The following SLC25A30 variants were observed in gnomAD, a reference collection of about 807,000 sequenced individuals.
SLC25A30 encodes the protein kidney mitochondrial carrier protein 1.
Under a neutral mutation model 42.7 loss-of-function variants are expected in SLC25A30, and 29 were observed. The ratio of observed to expected loss-of-function variants is 0.68; its 90% CI spans 0.51 to 0.93. The LOEUF is 0.93. Ranked by LOEUF, SLC25A30 falls within the 40% of genes least tolerant of loss-of-function variation. The pLI, the probability that SLC25A30 is intolerant of heterozygous loss-of-function variation, is 0.00. For synonymous variants in SLC25A30, 124 were observed against 131.0 expected (o/e 0.95, Z 0.37); for missense variants, 300 against 359.7 (o/e 0.83, Z 1.34).
chr13:45,408,399 CA>C (rs756056642), intron 3 of SLC25A30, among the ~76,000 whole-genome samples: 1 of 152,098 alleles, frequency 6.6e-6, no homozygotes, highest in African/African-American at 2.4e-5. Context: ...GGCTGTGGGT[CA>C]CCAGTTTGTG....
chr13:45,418,406 C>G (rs924773136), upstream of SLC25A30: 2 of 152,346 alleles, frequency 1.3e-5, no homozygotes, highest in Admixed American at 6.5e-5. Flanking sequence ...GGCAGACCCA[C>G]GAGCCTGCAC....
intron 7 of SLC25A30, among the ~76,000 whole-genome samples, chr13:45,399,712 A>G (rs1168340381): frequency 6.6e-6 from 1 of 152,050 alleles, no homozygotes; most frequent in Non-Finnish European, 1.5e-5. Context: ...TTTTCCATCT[A>G]TTTACCTGTA....
the SLC25A30 span, among the ~76,000 whole-genome samples, chr13:45,431,108 C>T: frequency 6.6e-6 from 1 of 152,058 alleles, no homozygotes; most frequent in Non-Finnish European, 1.5e-5. Flanking sequence ...AGTGCAATGG[C>T]GTGATCTTGG....
At chr13:45,423,228 T>C (rs1030427510), upstream of SLC25A30, among the ~76,000 whole-genome samples, 3 of 151,872 alleles carry the variant, frequency 2.0e-5, no homozygotes, top group Non-Finnish European at 4.4e-5. Context: ...TGTCTGTCCC[T>C]TCCCATTGAT....
At chr13:45,414,557 C>T (rs576821416) in intron 1 of SLC25A30, among the ~76,000 whole-genome samples, 4 of 151,844 alleles carry the variant, frequency 2.6e-5, no homozygotes, top group Non-Finnish European at 5.9e-5. Flanking sequence ...GCGGAAGTTG[C>T]AGTGAGCCAA....
At chr13:45,429,679 T>G in the SLC25A30 span, among the ~76,000 whole-genome samples, 52 of 151,686 alleles carry the variant, frequency 3.4e-4, no homozygotes, top group African/African-American at 1.3e-3. Context: ...AAAAAAAATT[T>G]TTTTAATTAG....
At chr13:45,404,813 A>G (rs1882347677) in intron 4 of SLC25A30, among the ~76,000 whole-genome samples, 1 of 152,240 alleles carries the variant, frequency 6.6e-6, no homozygotes, top group African/African-American at 2.4e-5. Context: ...CCAAGACGCC[A>G]TCTCAAAAAA....
intron 3 of SLC25A30, among the ~76,000 whole-genome samples, chr13:45,408,120 C>A (rs1435838706): frequency 1.3e-5 from 2 of 152,154 alleles, no homozygotes; most frequent in African/African-American, 4.8e-5. Flanking sequence ...CAAATGCTGA[C>A]AGGTACCAAG....
chr13:45,423,628 A>G, the SLC25A30 span, among the ~76,000 whole-genome samples: 2 of 68,432 alleles, frequency 2.9e-5, no homozygotes, highest in East Asian at 1.1e-3. Flanking sequence ...ATATATATAT[A>G]TAAATATATA....
At chr13:45,431,736 A>T in the SLC25A30 span, among the ~76,000 whole-genome samples, 1 of 152,036 alleles carries the variant, frequency 6.6e-6, no homozygotes, top group Admixed American at 6.6e-5. Context: ...CTCCAGACTC[A>T]CATATCCAGT....
the SLC25A30 span, among the ~76,000 whole-genome samples, chr13:45,424,119 A>G: frequency 2.1e-3 from 203 of 96,596 alleles, 2 homozygotes; most frequent in African/African-American, 9.1e-3. Context: ...ATATATAAAT[A>G]TATATAAATA....
In SLC25A30 at chr13:45,401,073, A is replaced by G. The variant is rs201280517; in HGVS notation, c.614+10T>C. The G allele has an allele frequency of 8.2e-6, 13 of 1,584,600 alleles. No homozygotes were observed. The highest frequency in any genetic ancestry group is 3.7e-5 in the Admixed American group (2 of 54,322). On this transcript the variant is annotated intron_variant, in intron 7 of 9. Coordinates refer to ENST00000519676, the MANE Select transcript of SLC25A30 (RefSeq NM_001010875.4). ...TTTCTATAATTTTTTAAAAAAAGCC[A>G]TGAACATACAGGAAGTGGGTATACA...
Position 45,398,950 on chromosome 13 carries a change from C to A in SLC25A30, c.743G>T (p.Cys248Phe). ...GACATCTGCTCTTACCTGTAACAAG[C>A]AATCCAGGGTTCCTGTGTAGCCAGA... ...RCSGYTGTLD[C>F]LLQTWKNEGF... The change falls in exon 8 of 10, where the codon TGC becomes TTC. Residue 248 changes from cysteine (C) to phenylalanine (F), a missense_variant. Transcript: ENST00000519676. 6 of 1,614,092 alleles carry A rather than the reference C, an allele frequency of 3.7e-6. No homozygotes were observed. Among genetic ancestry groups the A allele is most frequent in the Non-Finnish European group, 5.1e-6 (6 of 1,180,006 alleles).
the SLC25A30 span, among the ~76,000 whole-genome samples, chr13:45,423,575 A>C: frequency 3.2e-4 from 27 of 84,152 alleles, no homozygotes; most frequent in African/African-American, 1.1e-3. Flanking sequence ...ATAAATATAT[A>C]TAAAAATATA....
At chr13:45,425,437 T>C in the SLC25A30 span, among the ~76,000 whole-genome samples, 67 of 110,786 alleles carry the variant, frequency 6.0e-4, 2 homozygotes, top group African/African-American at 2.3e-3. Context: ...TAAATATATG[T>C]ATATATAAAT....
In SLC25A30 at chr13:45,394,561, T is replaced by C. The variant is rs1032277594; in HGVS notation, c.*1413A>G. 2 of 985,258 alleles carry C rather than the reference T, an allele frequency of 2.0e-6. No individual in the cohort carries two copies. Among genetic ancestry groups the C allele is most frequent in the Admixed American group, 6.2e-5 (1 of 16,252 alleles). 61.0% of individuals were successfully genotyped at this position (985,258 alleles called of 1,614,324 possible). Reference sequence around the variant, plus strand: ...CCAAATAAATATGTTCCCTGTCCTGTGGCTGCCTCCCAGAAGTGGAAGTTC... The same window carrying C: ...CCAAATAAATATGTTCCCTGTCCTGCGGCTGCCTCCCAGAAGTGGAAGTTC... On this transcript the variant is annotated 3_prime_UTR_variant, in exon 10 of 10. Transcript: ENST00000519676.
At chr13:45,404,449 T>G (rs1235753254) in intron 4 of SLC25A30, 37 bp from the exon 5 acceptor site, 1 of 1,460,558 alleles carries the variant, frequency 6.8e-7, no homozygotes, top group South Asian at 1.1e-5. Flanking sequence ...TCTACATATT[T>G]AGAGTTCTTC....
chr13:45,417,172 C>T lies in SLC25A30; in HGVS notation c.-56+1128G>A, dbSNP rs543241673. Among the ~76,000 whole-genome samples the T allele has an allele frequency of 3.3e-5, 5 of 152,202 alleles. No homozygotes were observed. In the South Asian group the frequency reaches 1.0e-3, roughly 32 times the overall value. On this transcript the variant is annotated intron_variant, in intron 1 of 9. Transcript: ENST00000519676. ...AGAATTAGACATCCGTCACCACGCCCGGCTAATTTTGTATTTTTAGTAGAG... is the reference window on the plus strand; with the variant it reads ...AGAATTAGACATCCGTCACCACGCCTGGCTAATTTTGTATTTTTAGTAGAG...
At chr13:45,429,053 GCTCTTTTTTTTTT>G in the SLC25A30 span, among the ~76,000 whole-genome samples, 2 of 136,478 alleles carry the variant, frequency 1.5e-5, no homozygotes, top group South Asian at 5.0e-4. Flanking sequence ...ATATGTGCAA[GCTCTTTTTTTTTT>G]TTTTTTTTTT....
Sources: gnomAD v4.1 joint callset for allele counts (sites outside exome capture counted in the v4.1 genomes callset) on GRCh38, gnomAD v4.1.1 for gene constraint, MANE v1.5 for transcripts, NCBI Gene and HGNC (gene_info 2026-07-23, HGNC 2026-07-21) for gene names.